CTSC: variants seen among roughly 807,000 people sequenced by gnomAD.
CTSC encodes cathepsin C.
CTSC carries 37 observed loss-of-function variants against 40.9 expected under a neutral mutation model. The ratio of observed to expected loss-of-function variants is 0.91; its 90% CI spans 0.70 to 1.19. CTSC has a LOEUF of 1.19. Ranked by LOEUF, CTSC falls within the 50% of genes most tolerant of loss-of-function variation. CTSC has a pLI of 0.00. For missense variants in CTSC, 594 were observed against 567.3 expected, an observed-to-expected ratio of 1.05 and a Z score of -0.48; for synonymous variants, 232 against 207.4, an observed-to-expected ratio of 1.12 and a Z score of -1.02.
rs763171330 is a variant in CTSC at position 88,294,271 on chromosome 11, A to T, written c.1127T>A (p.Val376Glu). 1 of 1,614,106 alleles carries T rather than the reference A, an allele frequency of 6.2e-7. No homozygotes were observed. Among genetic ancestry groups the T allele is most frequent in the Non-Finnish European group, 8.5e-7 (1 of 1,180,020 alleles). ...HHGPMAVAFE[V>E]YDDFLHYKKG... Reference sequence around the variant, plus strand: ...TTTGTAGTGGAGGAAGTCATCATATACTTCAAAAGCAACTGCCATGGGCCC... The same window carrying T: ...TTTGTAGTGGAGGAAGTCATCATATTCTTCAAAAGCAACTGCCATGGGCCC... Residue 376 changes from valine (V) to glutamate (E), a missense_variant, in exon 7 of 7, where the codon GTA (valine) becomes GAA (glutamate). Transcript: ENST00000227266.
intron 2 of CTSC, among the ~76,000 whole-genome samples, chr11:88,313,789 A>G (rs1435763677): frequency 6.6e-6 from 1 of 152,016 alleles, no homozygotes; most frequent in Admixed American, 6.5e-5. Flanking sequence ...CCTGTAAAAT[A>G]TGGAAAGTAG....
intron 4 of CTSC, among the ~76,000 whole-genome samples, chr11:88,302,775 A>AT (rs1172900670): frequency 2.0e-5 from 3 of 152,226 alleles, no homozygotes; most frequent in Admixed American, 6.5e-5. Flanking sequence ...TTGTTCACTA[A>AT]TTTTTTCTCC....
intron 3 of CTSC, among the ~76,000 whole-genome samples, chr11:88,311,269 G>A (rs1937749552): frequency 6.6e-6 from 1 of 152,184 alleles, no homozygotes; most frequent in Non-Finnish European, 1.5e-5. Context: ...GTAGCTCTAG[G>A]ATCAAGCCAA....
chr11:88,330,566 C>T (rs1250882451), intron 2 of CTSC, among the ~76,000 whole-genome samples: 1 of 151,950 alleles, frequency 6.6e-6, no homozygotes, highest in Non-Finnish European at 1.5e-5. Context: ...CCAGACTGGT[C>T]TCGAACGCCT....
intron 4 of CTSC, among the ~76,000 whole-genome samples, chr11:88,308,480 A>C (rs1344127500): frequency 1.3e-5 from 2 of 151,332 alleles, no homozygotes; most frequent in Non-Finnish European, 2.9e-5. Flanking sequence ...TTATTATTTT[A>C]TTTTATTTTA....
chr11:88,328,249 A>C, intron 2 of CTSC: 1 of 1,258,712 alleles, frequency 7.9e-7, no homozygotes, highest in East Asian at 2.3e-5. Flanking sequence ...ATTAAGCATC[A>C]TCATGAAAGA....
chr11:88,296,037 G>A (rs1041788096), intron 6 of CTSC, 96 bp downstream of exon 6: 25 of 1,286,508 alleles, frequency 1.9e-5, no homozygotes, highest in African/African-American at 1.8e-4. Context: ...TAGACACTGC[G>A]CTCTCTCTAC....
At chr11:88,301,189 G>A (rs1396016183) in intron 4 of CTSC, among the ~76,000 whole-genome samples, 2 of 152,110 alleles carry the variant, frequency 1.3e-5, no homozygotes, top group African/African-American at 2.4e-5. Flanking sequence ...AAATAAAGTG[G>A]AAACACTTCA....
chr11:88,309,349 T>C (rs770945695), intron 3 of CTSC, 31 bp from the exon 4 acceptor site: 63 of 1,554,854 alleles, frequency 4.1e-5, no homozygotes, highest in East Asian at 1.3e-4. Context: ...ATTTCAGATA[T>C]AGTCTTTACT....
intron 2 of CTSC, chr11:88,327,885 T>G (rs1384680585): frequency 1.8e-6 from 1 of 546,896 alleles, no homozygotes; most frequent in Non-Finnish European, 3.3e-6. Context: ...GAGAGCTGAT[T>G]TGACATGTGA....
chr11:88,319,164 T>C lies in CTSC; in HGVS notation c.319-6610A>G, dbSNP rs545780109. 5.3e-5 allele frequency among the ~76,000 whole-genome samples: 8 copies of C among 152,304 alleles called. 1 individual carries two copies. The South Asian group carries it at 1.7e-3, about 32-fold the overall frequency. On this transcript the variant is annotated intron_variant, in intron 2 of 6. Coordinates refer to ENST00000227266, the MANE Select transcript of CTSC (RefSeq NM_001814.6). ...CATAAAATGAACAAGTAGTTTAAAA[T>C]ATACTTGCAAAGAAACAAGGATTTG... is the stretch of plus-strand genomic sequence containing the variant.
intron 2 of CTSC, among the ~76,000 whole-genome samples, chr11:88,318,444 A>G (rs539871900): frequency 6.6e-6 from 1 of 152,342 alleles, no homozygotes; most frequent in South Asian, 2.1e-4. Context: ...CTATACTAAC[A>G]TTACCATCAT....
chr11:88,325,561 G>C, intron 2 of CTSC: 3 of 985,348 alleles, frequency 3.0e-6, no homozygotes, highest in South Asian at 9.4e-5. Flanking sequence ...TTTACAGTTA[G>C]AAACTCTGTG....
At chr11:88,324,940 C>T in intron 2 of CTSC, 1 of 985,300 alleles carries the variant, frequency 1.0e-6, no homozygotes. Flanking sequence ...TCAGATCATA[C>T]AAAGAGTCAT....
At chr11:88,305,490 C>T (rs1937622648) in intron 4 of CTSC, among the ~76,000 whole-genome samples, 1 of 152,114 alleles carries the variant, frequency 6.6e-6, no homozygotes. Flanking sequence ...ATCTTTTGGC[C>T]CACATTCTTT....
intron 5 of CTSC, 35 bp from the exon 6 acceptor site, chr11:88,296,299 C>CA (rs750542190): frequency 6.2e-7 from 1 of 1,611,808 alleles, no homozygotes; most frequent in Admixed American, 1.7e-5. Flanking sequence ...ATCCAAGAGA[C>CA]ATCTGAAGCC....
intron 2 of CTSC, chr11:88,322,680 A>G (rs1357162732): frequency 2.0e-5 from 3 of 152,234 alleles, no homozygotes; most frequent in African/African-American, 7.2e-5. Context: ...AGAAATGGAT[A>G]AATTCCTGGA....
intron 3 of CTSC, 139 bp from the exon 4 acceptor site, chr11:88,309,457 G>C: frequency 2.7e-6 from 2 of 737,854 alleles, no homozygotes; most frequent in East Asian, 2.6e-5. Context: ...TGTATCAATA[G>C]CCTAGAACAG....
intron 1 of CTSC, among the ~76,000 whole-genome samples, chr11:88,337,279 C>T (rs1938524207): frequency 6.6e-6 from 1 of 152,168 alleles, no homozygotes; most frequent in Non-Finnish European, 1.5e-5. Context: ...GTTGAGTCCC[C>T]AAGATAACCA....
Sources: gnomAD v4.1 joint callset for allele counts (sites outside exome capture counted in the v4.1 genomes callset) on GRCh38, gnomAD v4.1.1 for gene constraint, MANE v1.5 for transcripts, NCBI Gene and HGNC (gene_info 2026-07-23, HGNC 2026-07-21) for gene names.